The following KCNIP4 variants were observed in gnomAD, a reference collection of about 807,000 sequenced individuals.
The protein encoded by KCNIP4 is Kv channel-interacting protein 4.
Under a neutral mutation model 34.0 loss-of-function variants are expected in KCNIP4, and 12 were observed. The observed-to-expected ratio is 0.35, with a 90% CI of 0.23 to 0.57. KCNIP4 has a LOEUF of 0.57. Among genes scored for constraint, KCNIP4 ranks in the 20% least tolerant of loss-of-function variants. The probability of loss-of-function intolerance (pLI) is 0.83; values close to 1 mark genes in which losing one functional copy is unlikely to be tolerated. For missense variants in KCNIP4, 238 were observed against 311.7 expected, an observed-to-expected ratio of 0.76 and a Z score of 1.78; for synonymous variants, 124 against 102.2, an observed-to-expected ratio of 1.21 and a Z score of -1.29.
intron 1 of KCNIP4, among the ~76,000 whole-genome samples, chr4:21,456,899 G>A (rs1728997095): frequency 6.6e-6 from 1 of 152,012 alleles, no homozygotes; most frequent in South Asian, 2.1e-4. Context: ...AACTCCAAGG[G>A]ATCTTTCACT....
At chr4:21,697,529 C>A in intron 1 of KCNIP4, 1 of 1,459,190 alleles carries the variant, frequency 6.9e-7, no homozygotes, top group Non-Finnish European at 8.9e-7. Flanking sequence ...TGAGGAGAAA[C>A]TTCTGTCTCA....
intron 1 of KCNIP4, among the ~76,000 whole-genome samples, chr4:21,347,389 G>A (rs1200498683): frequency 2.6e-5 from 4 of 152,188 alleles, no homozygotes; most frequent in African/African-American, 4.8e-5. Flanking sequence ...AGACACTGGT[G>A]AGGTGAGAGC....
intron 1 of KCNIP4, among the ~76,000 whole-genome samples, chr4:21,143,676 C>G (rs1752140355): frequency 6.6e-6 from 1 of 151,522 alleles, no homozygotes; most frequent in Non-Finnish European, 1.5e-5. Flanking sequence ...CAATGGACCA[C>G]TAGGCTTTGT....
At chr4:21,258,726 A>G (rs1396303419) in intron 1 of KCNIP4, among the ~76,000 whole-genome samples, 2 of 152,052 alleles carry the variant, frequency 1.3e-5, no homozygotes, top group African/African-American at 4.8e-5. Flanking sequence ...TGCCAATGTT[A>G]TCTGTCTCTC....
chr4:21,231,650 A>C (rs945675962), intron 1 of KCNIP4, among the ~76,000 whole-genome samples: 3 of 152,118 alleles, frequency 2.0e-5, no homozygotes, highest in African/African-American at 7.2e-5. Flanking sequence ...TCTTCTCAGT[A>C]GGCTTATCAT....
chr4:21,763,158 A>G, intron 1 of KCNIP4: 3 of 1,211,752 alleles, frequency 2.5e-6, no homozygotes, highest in Non-Finnish European at 3.2e-6. Context: ...ATTCACACAA[A>G]CAAAATGTGA....
At chr4:21,579,558 C>T (rs1741040959) in intron 1 of KCNIP4, among the ~76,000 whole-genome samples, 1 of 152,008 alleles carries the variant, frequency 6.6e-6, no homozygotes, top group African/African-American at 2.4e-5. Flanking sequence ...TTTATCCTCC[C>T]ATGGATTGTT....
At chr4:21,148,714 C>T (rs1046574826) in intron 1 of KCNIP4, among the ~76,000 whole-genome samples, 1 of 150,096 alleles carries the variant, frequency 6.7e-6, no homozygotes, top group Non-Finnish European at 1.5e-5. Flanking sequence ...AAGTAAACAA[C>T]ATTAAGAAAG....
chr4:21,331,276 G>A (rs1715610615), intron 1 of KCNIP4, among the ~76,000 whole-genome samples: 1 of 151,974 alleles, frequency 6.6e-6, no homozygotes, highest in Non-Finnish European at 1.5e-5. Flanking sequence ...ATGCTTTTAT[G>A]AAATTTCCCT....
intron 5 of KCNIP4, among the ~76,000 whole-genome samples, chr4:20,736,085 C>T (rs1749561946): frequency 6.6e-6 from 1 of 152,240 alleles, no homozygotes; most frequent in African/African-American, 2.4e-5. Context: ...TGTAAGCTGC[C>T]TGGTGAAAAA....
intron 1 of KCNIP4, among the ~76,000 whole-genome samples, chr4:21,363,648 C>A (rs1355306280): frequency 2.6e-5 from 4 of 152,132 alleles, no homozygotes; most frequent in South Asian, 2.1e-4. Context: ...TTAATATGTA[C>A]TTTGTGGCCC....
chr4:21,293,370 C>T (rs986985599), intron 1 of KCNIP4, among the ~76,000 whole-genome samples: 2 of 152,152 alleles, frequency 1.3e-5, no homozygotes, highest in African/African-American at 2.4e-5. Flanking sequence ...AAAGTCCATA[C>T]TCTCTCCACT....
chr4:21,100,497 G>C (rs1747841863), intron 1 of KCNIP4, among the ~76,000 whole-genome samples: 1 of 152,124 alleles, frequency 6.6e-6, no homozygotes, highest in Non-Finnish European at 1.5e-5. Flanking sequence ...AGGTTGCAGT[G>C]AGCCGAGATT....
chr4:20,972,895 G>T (rs935929382), intron 1 of KCNIP4, among the ~76,000 whole-genome samples: 1 of 152,174 alleles, frequency 6.6e-6, no homozygotes, highest in Admixed American at 6.5e-5. Flanking sequence ...TAGAAGTGGA[G>T]CCTGAGTATT....
chr4:21,008,386 G>A (rs187213056), intron 1 of KCNIP4, among the ~76,000 whole-genome samples: 14 of 152,180 alleles, frequency 9.2e-5, no homozygotes, highest in African/African-American at 3.1e-4. Context: ...TCTGAAATTA[G>A]GCTACTATGT....
chr4:21,712,526 C>T (rs1258140790), intron 1 of KCNIP4, among the ~76,000 whole-genome samples: 1 of 152,168 alleles, frequency 6.6e-6, no homozygotes, highest in Non-Finnish European at 1.5e-5. Context: ...AAGATTTCCC[C>T]ATAGCCAATG....
chr4:21,644,105 A>G (rs1401216414), intron 1 of KCNIP4, among the ~76,000 whole-genome samples: 1 of 152,188 alleles, frequency 6.6e-6, no homozygotes, highest in African/African-American at 2.4e-5. Context: ...AAAACCTTGG[A>G]AGAGTAATTT....
At chr4:20,908,219 C>A (rs1219513266) in intron 1 of KCNIP4, among the ~76,000 whole-genome samples, 1 of 151,870 alleles carries the variant, frequency 6.6e-6, no homozygotes, top group Non-Finnish European at 1.5e-5. Flanking sequence ...CCTGCCTCAG[C>A]CTCCTGAGTA....
At chr4:21,309,011 A>G (rs11734360) in intron 1 of KCNIP4, among the ~76,000 whole-genome samples, 14,009 of 152,204 alleles carry the variant, frequency 0.092, 671 homozygotes, top group Middle Eastern at 0.12. Context: ...GCGTACCCCT[A>G]AAGTGCAGTT....
Sources: gnomAD v4.1 joint callset for allele counts (sites outside exome capture counted in the v4.1 genomes callset) on GRCh38, gnomAD v4.1.1 for gene constraint, MANE v1.5 for transcripts, NCBI Gene and HGNC (gene_info 2026-07-23, HGNC 2026-07-21) for gene names.